PCNX2: variants seen among roughly 807,000 people sequenced by gnomAD.
The protein encoded by PCNX2 is pecanex-like protein 2.
In PCNX2, 168 loss-of-function variants were observed where a neutral mutation model predicts 223.8. That is an observed-to-expected ratio of 0.75 (90% CI 0.66 to 0.85). The LOEUF is 0.85. Ranked by LOEUF, PCNX2 falls within the 40% of genes least tolerant of loss-of-function variation. The probability of loss-of-function intolerance (pLI) is 0.00; values close to 1 mark genes in which losing one functional copy is unlikely to be tolerated. For synonymous variants in PCNX2, 1,006 were observed against 1,052.6 expected (o/e 0.96, Z 0.86); for missense variants, 2,507 against 2,675.5 (o/e 0.94, Z 1.39).
chr1:233,139,821 A>G lies in PCNX2; in HGVS notation c.3552T>C (p.Tyr1184=). ...VAHLMWFERL[Y]VWLQCFEKYI... is the part of the protein sequence containing the mutation. ...ATTTTTCAAAACACTGAAGCCAAAC[A>G]TAGAGTCTTTCGAACCACATTAAAT... Residue 1184 remains tyrosine, a synonymous_variant, in exon 20 of 34, where the codon TAT becomes TAC. Transcript: ENST00000258229. This position sits in a 1 kb window ranked among gnomAD's most constrained non-coding sequence, Gnocchi z 4.4. 1.2e-6 allele frequency: 2 copies of G among 1,613,628 alleles called. No individual in the cohort carries two copies. The highest frequency in any genetic ancestry group is 1.7e-6 in the Non-Finnish European group (2 of 1,179,790).
intron 15 of PCNX2, among the ~76,000 whole-genome samples, chr1:233,188,923 C>A (rs755624683): frequency 5.3e-5 from 8 of 152,200 alleles, no homozygotes; most frequent in Non-Finnish European, 8.8e-5. Context: ...AATGTAACTT[C>A]ATCACAGGAG....
At position 233,010,064 on chromosome 1, in the gene PCNX2, C is replaced by A. The variant is rs1670410455; in HGVS notation, c.4952+4601G>T. Reference sequence around the variant, plus strand: ...TAGGTCAGATATTGCATCCTGTTTACTTTATCAGATTCTGATTTCTGAGTT... The same window carrying A: ...TAGGTCAGATATTGCATCCTGTTTAATTTATCAGATTCTGATTTCTGAGTT... On this transcript the variant is annotated intron_variant, in intron 28 of 33. Transcript: ENST00000258229. Among the ~76,000 whole-genome samples, 3 of 151,698 alleles carry A rather than the reference C, an allele frequency of 2.0e-5. No homozygotes were observed. The South Asian group carries it at 6.2e-4, about 31-fold the overall frequency.
chr1:233,286,405 A>G lies in PCNX2; in HGVS notation c.153+8921T>C, dbSNP rs182769024. On this transcript the variant is annotated intron_variant, in intron 1 of 33. Coordinates refer to ENST00000258229, the MANE Select transcript of PCNX2 (RefSeq NM_014801.4). ...ACTGCTGTCTGATTCCCTCCTAGAA[A>G]AGGTGAAAGATCAGAGACTGGCTGG... 1.1e-3 allele frequency among the ~76,000 whole-genome samples: 162 copies of G among 152,240 alleles called. 1 individual carries two copies. The highest frequency in any genetic ancestry group is 3.7e-3 in the African/African-American group (153 of 41,536).
chr1:233,013,371 AC>A (rs1176696047), intron 28 of PCNX2, among the ~76,000 whole-genome samples: 4 of 152,090 alleles, frequency 2.6e-5, no homozygotes, highest in Non-Finnish European at 5.9e-5. Flanking sequence ...CACACACTTT[AC>A]CCTTTATCAA....
chr1:233,030,017 A>G (rs1456083936), intron 25 of PCNX2, among the ~76,000 whole-genome samples: 3 of 152,304 alleles, frequency 2.0e-5, no homozygotes, highest in African/African-American at 7.2e-5. Flanking sequence ...ATATGTCTTC[A>G]GTTGCTTTTC....
chr1:233,214,514 G>C (rs181942301), intron 12 of PCNX2, among the ~76,000 whole-genome samples: 38 of 152,298 alleles, frequency 2.5e-4, no homozygotes, highest in African/African-American at 7.5e-4. Context: ...GTAGAGGGGA[G>C]GGGGGAAATC....
rs986604836 is a variant in PCNX2 at position 233,152,504 on chromosome 1, T to C, written c.3517+7779A>G. On this transcript the variant is annotated intron_variant, in intron 19 of 33. Coordinates refer to ENST00000258229, the MANE Select transcript of PCNX2 (RefSeq NM_014801.4). ...CCTCTTTCCAAAGACCCCTGCATAG[T>C]TTTATGTTCCAAAATCAGACAGTGC... 7.9e-5 allele frequency among the ~76,000 whole-genome samples: 12 copies of C among 152,192 alleles called. No individual in the cohort carries two copies. The East Asian group carries it at 1.7e-3, about 22-fold the overall frequency.
At position 233,001,393 on chromosome 1, in the gene PCNX2, C is replaced by T. The variant is rs113959320; in HGVS notation, c.5097+144G>A. On this transcript the variant is annotated intron_variant, in intron 29 of 33. Transcript: ENST00000258229. This position sits in a 1 kb window ranked among gnomAD's most constrained non-coding sequence, Gnocchi z 4.2. ...ACTTGGGAGGCTGTGGCAGGAGAATCGCTTGAACCCGGGAGGTGGAGGTTG... is the reference window on the plus strand; with the variant it reads ...ACTTGGGAGGCTGTGGCAGGAGAATTGCTTGAACCCGGGAGGTGGAGGTTG... 0.22 allele frequency: 70,421 copies of T among 326,506 alleles called. 8,567 individuals carry two copies. The highest frequency in any genetic ancestry group is 0.25 in the Non-Finnish European group (51,873 of 207,230). 20.2% of individuals were successfully genotyped at this position (326,506 alleles called of 1,614,324 possible).
intron 15 of PCNX2, among the ~76,000 whole-genome samples, chr1:233,190,320 T>G (rs1680348026): frequency 1.3e-5 from 2 of 152,158 alleles, no homozygotes; most frequent in Admixed American, 1.3e-4. Flanking sequence ...GGAGTTTGAT[T>G]GAAGATGGGT....
rs2102938638 is a variant in PCNX2, at chr1:233,090,103, G to A, written c.4034C>T (p.Thr1345Ile). Residue 1345 changes from threonine to isoleucine, a missense_variant, in exon 23 of 34, where the codon ACA becomes ATA. Transcript: ENST00000258229. Reference sequence around the variant, plus strand: ...GAATTTCACTGGCCTGACATATGATGTGATGAAAATGACACTCCCAAGAAA... The same window carrying A: ...GAATTTCACTGGCCTGACATATGATATGATGAAAATGACACTCCCAAGAAA... ...SPFLGSVIFI[T>I]SYVRPVKFWE... The A allele has an allele frequency of 6.2e-7, 1 of 1,613,876 alleles. No homozygotes were observed. Among genetic ancestry groups the A allele is most frequent in the Non-Finnish European group, 8.5e-7 (1 of 1,179,832 alleles).
At chr1:233,304,686 C>T in the PCNX2 span, among the ~76,000 whole-genome samples, 1 of 152,128 alleles carries the variant, frequency 6.6e-6, no homozygotes, top group Non-Finnish European at 1.5e-5. Flanking sequence ...ATTTGTAGCA[C>T]TAGGTGGCAC....
intron 23 of PCNX2, among the ~76,000 whole-genome samples, chr1:233,070,414 A>G (rs1443346991): frequency 6.6e-6 from 1 of 152,194 alleles, no homozygotes; most frequent in Non-Finnish European, 1.5e-5. Flanking sequence ...GCATGAAAAA[A>G]ATAAAATTAA....
chr1:233,274,052 A>G (rs758471164), intron 1 of PCNX2, among the ~76,000 whole-genome samples: 8 of 152,266 alleles, frequency 5.3e-5, no homozygotes, highest in Non-Finnish European at 8.8e-5. Flanking sequence ...AGATAAACCC[A>G]GAAATGGTCC....
chr1:233,131,942 C>T (rs1319225751), intron 21 of PCNX2, among the ~76,000 whole-genome samples: 1 of 146,948 alleles, frequency 6.8e-6, no homozygotes, highest in Non-Finnish European at 1.5e-5. Context: ...CGTTTTAGAT[C>T]TTTTTTTTTT....
intron 23 of PCNX2, among the ~76,000 whole-genome samples, chr1:233,071,082 T>C (rs954036260): frequency 1.3e-5 from 2 of 152,154 alleles, no homozygotes; most frequent in South Asian, 2.1e-4. Flanking sequence ...AGCAACACTG[T>C]ACTTAATGGT....
chr1:233,248,300 C>A (rs1659248173), intron 8 of PCNX2, among the ~76,000 whole-genome samples: 1 of 152,012 alleles, frequency 6.6e-6, no homozygotes, highest in Admixed American at 6.5e-5. Context: ...AACCTCGAAT[C>A]CAGCTGTGTG....
intron 21 of PCNX2, among the ~76,000 whole-genome samples, chr1:233,116,865 T>C (rs1454164985): frequency 6.6e-6 from 1 of 151,898 alleles, no homozygotes; most frequent in African/African-American, 2.4e-5. Flanking sequence ...AAGAGCTCTT[T>C]GAAAAGATAA....
At chr1:233,296,360 T>C (rs1412001263), upstream of PCNX2, among the ~76,000 whole-genome samples, 1 of 152,168 alleles carries the variant, frequency 6.6e-6, no homozygotes, top group Non-Finnish European at 1.5e-5. Context: ...ACCACCTTCC[T>C]GATAAAATTT....
At chr1:233,232,992 T>C in intron 9 of PCNX2, 1 of 985,434 alleles carries the variant, frequency 1.0e-6, no homozygotes, top group South Asian at 4.7e-5. Context: ...TTGGAGACCA[T>C]ATCCAGGTGA....
Sources: allele counts gnomAD v4.1 joint callset (sites outside exome capture counted in the v4.1 genomes callset), GRCh38; gene constraint gnomAD v4.1.1; non-coding constraint Gnocchi (gnomAD v3.1); transcripts MANE v1.5; gene names NCBI Gene and HGNC (gene_info 2026-07-23, HGNC 2026-07-21).